The following TYW1B variants were observed in gnomAD, a reference collection of about 807,000 sequenced individuals.
TYW1B encodes tRNA-yW synthesizing protein 1 homolog B, also known as S-adenosyl-L-methionine-dependent tRNA 4-demethylwyosine synthase TYW1B.
In TYW1B, 73 loss-of-function variants were observed where a neutral mutation model predicts 86.9. The ratio of observed to expected loss-of-function variants is 0.84; its 90% confidence interval spans 0.70 to 1.02. The LOEUF (loss-of-function observed/expected upper bound fraction) is 1.02, where lower values mean the gene tolerates loss of function less well. TYW1B is among the 50% of genes least tolerant of loss of function. The pLI is 0.00. For synonymous variants in TYW1B, 248 were observed against 292.8 expected, an observed-to-expected ratio of 0.85 and a Z score of 1.56; for missense variants, 637 against 827.4, an observed-to-expected ratio of 0.77 and a Z score of 2.82.
At chr7:72,767,791 G>A (rs1787797125) in intron 7 of TYW1B, among the ~76,000 whole-genome samples, 1 of 151,982 alleles carries the variant, frequency 6.6e-6, no homozygotes, top group Non-Finnish European at 1.5e-5. Flanking sequence ...TTCTTCTAGA[G>A]AGCCCCTCTC....
chr7:72,750,053 TG>T (rs1197383592), intron 7 of TYW1B, among the ~76,000 whole-genome samples: 7 of 151,082 alleles, frequency 4.6e-5, no homozygotes, highest in African/African-American at 1.5e-4. Flanking sequence ...GAACACCTGG[TG>T]GGGGGGTGGG....
At chr7:72,807,851 G>C (rs564757365) in intron 4 of TYW1B, among the ~76,000 whole-genome samples, 21 of 152,242 alleles carry the variant, frequency 1.4e-4, no homozygotes, top group Admixed American at 1.2e-3. Flanking sequence ...GGTTATCAGA[G>C]GCATAGTTAA....
intron 6 of TYW1B, among the ~76,000 whole-genome samples, chr7:72,789,636 A>AT (rs1208122596): frequency 1.3e-5 from 2 of 152,116 alleles, no homozygotes; most frequent in East Asian, 1.9e-4. Flanking sequence ...TCATCACAGT[A>AT]TTTTTTTAAT....
In TYW1B at chr7:72,575,825, G is replaced by A. The variant is rs61551144; in HGVS notation, c.1786-106C>T. 5.6e-3 allele frequency: 8,400 copies of A among 1,502,184 alleles called. 375 individuals are homozygous for A. In the African/African-American group the frequency reaches 0.1, roughly 18 times the overall value. The allele number at this position is 1,502,184 out of a possible 1,614,324, so 93.1% of individuals were successfully genotyped here. A position where few individuals can be genotyped will look rare whatever the true frequency, so the allele number is the denominator to read the frequency against. The stretch of plus-strand genomic sequence containing the variant: ...AAGTCTGATCTTTTCTCCCTATCAC[G>A]CCAAGAAAACAAAAACAAAAACAAA... On this transcript the variant is annotated intron_variant, in intron 13 of 13. Transcript: ENST00000620995.
rs781782971 is a variant in TYW1B, at chr7:72,815,393, T to C, written c.224A>G (p.His75Arg). ...ACAATTACCAACCTCTTCTATCAGA[T>C]GATCATCTGGATCATATTCTTTTAG... ...INLKEYDPDD[H>R]LIEEVTSKNV... Residue 75 changes from histidine (H) to arginine (R), a missense_variant, in exon 3 of 14, where the codon CAT becomes CGT. Transcript: ENST00000620995. 2 of 1,599,742 alleles carry C rather than the reference T, an allele frequency of 1.3e-6. No homozygotes were observed. The highest frequency in any genetic ancestry group is 1.7e-6 in the Non-Finnish European group (2 of 1,176,496).
intron 7 of TYW1B, among the ~76,000 whole-genome samples, chr7:72,767,168 C>CA (rs1210441546): frequency 6.6e-6 from 1 of 152,024 alleles, no homozygotes; most frequent in East Asian, 1.9e-4. Context: ...CAACCTTACA[C>CA]AAAAAAATGC....
At chr7:72,754,464 T>A (rs373423689) in intron 7 of TYW1B, among the ~76,000 whole-genome samples, 17 of 150,836 alleles carry the variant, frequency 1.1e-4, no homozygotes, top group African/African-American at 4.2e-4. Context: ...TGAGACAGAA[T>A]CTTGCTCTGT....
chr7:72,708,031 G>C (rs1554453987), intron 10 of TYW1B, among the ~76,000 whole-genome samples: 1 of 152,128 alleles, frequency 6.6e-6, no homozygotes, highest in African/African-American at 2.4e-5. Flanking sequence ...GGCCTCCCCT[G>C]CCGTGCTTCC....
intron 6 of TYW1B, among the ~76,000 whole-genome samples, chr7:72,801,881 T>C (rs1554475658): frequency 3.3e-5 from 5 of 152,148 alleles, no homozygotes. Flanking sequence ...GGAGTTTCAC[T>C]TGGAATCTCA....
At chr7:72,633,470 T>C (rs1193452063) in intron 11 of TYW1B, among the ~76,000 whole-genome samples, 1 of 152,234 alleles carries the variant, frequency 6.6e-6, no homozygotes, top group African/African-American at 2.4e-5. Flanking sequence ...TCTGAAACTG[T>C]GAGATGAAAC....
intron 8 of TYW1B, among the ~76,000 whole-genome samples, chr7:72,731,943 T>TA (rs1554460041): frequency 6.6e-6 from 1 of 151,648 alleles, no homozygotes; most frequent in Non-Finnish European, 1.5e-5. Flanking sequence ...CCATCTCAAA[T>TA]AAAAAAATTA....
intron 6 of TYW1B, among the ~76,000 whole-genome samples, chr7:72,783,883 T>A (rs1475216258): frequency 6.6e-6 from 1 of 152,184 alleles, no homozygotes; most frequent in African/African-American, 2.4e-5. Flanking sequence ...CTAGGTGAAG[T>A]AAACACTCCA....
intron 11 of TYW1B, among the ~76,000 whole-genome samples, chr7:72,635,518 C>A (rs541433920): frequency 3.3e-5 from 5 of 152,270 alleles, no homozygotes; most frequent in Admixed American, 3.3e-4. Context: ...TCTCCCCAAC[C>A]CTTTTCCTGA....
rs148294215 is a variant in TYW1B at position 72,586,087 on chromosome 7, T to C, written c.1786-10368A>G. On this transcript the variant is annotated intron_variant, in intron 13 of 13. Transcript: ENST00000620995. ...ACAGAACTCTCTGAAAGCTGTTATA[T>C]TCATGTATGTTTTATTATAGCAGGA... 2.0e-3 allele frequency among the ~76,000 whole-genome samples: 299 copies of C among 152,302 alleles called. 7 individuals are homozygous for C. In the East Asian group the frequency reaches 0.048, roughly 24 times the overall value.
intron 6 of TYW1B, among the ~76,000 whole-genome samples, chr7:72,779,381 T>C (rs1178011013): frequency 2.6e-5 from 4 of 152,422 alleles, no homozygotes; most frequent in South Asian, 2.1e-4. Flanking sequence ...CTGTGTACTT[T>C]TGAGAACATT....
At chr7:72,766,954 C>T (rs1209507011) in intron 7 of TYW1B, among the ~76,000 whole-genome samples, 1 of 151,956 alleles carries the variant, frequency 6.6e-6, no homozygotes, top group Admixed American at 6.6e-5. Context: ...AAAATAACTA[C>T]AGGATAAATG....
At chr7:72,714,925 A>C (rs1372260812) in intron 9 of TYW1B, among the ~76,000 whole-genome samples, 9 of 152,326 alleles carry the variant, frequency 5.9e-5, no homozygotes, top group Admixed American at 2.0e-4. Context: ...TCCAAAAAAA[A>C]CCAAAAATAC....
At chr7:72,719,833 A>G (rs1417502689) in intron 9 of TYW1B, among the ~76,000 whole-genome samples, 1 of 152,132 alleles carries the variant, frequency 6.6e-6, no homozygotes, top group Admixed American at 6.5e-5. Context: ...ACGGAAGAGC[A>G]TTCCAGTCGG....
chr7:72,708,983 C>T (rs1814678238), intron 10 of TYW1B, among the ~76,000 whole-genome samples: 1 of 152,026 alleles, frequency 6.6e-6, no homozygotes, highest in Non-Finnish European at 1.5e-5. Context: ...AAATGTGGGG[C>T]TAGGAGGGTT....
Sources: allele counts gnomAD v4.1 joint callset (sites outside exome capture counted in the v4.1 genomes callset), GRCh38; gene constraint gnomAD v4.1.1; transcripts MANE v1.5; gene names NCBI Gene and HGNC (gene_info 2026-07-23, HGNC 2026-07-21).